The following PKIB variants were observed in gnomAD, a reference collection of about 807,000 sequenced individuals.
PKIB encodes the protein cAMP-dependent protein kinase inhibitor beta.
In PKIB, 2 loss-of-function variants were observed where a neutral mutation model predicts 4.5. The observed-to-expected ratio is 0.44, with a 90% CI of 0.18 to 1.39. PKIB has a LOEUF of 1.39. Ranked by LOEUF, PKIB falls within the 40% of genes most tolerant of loss-of-function variation. The pLI, the probability that PKIB is intolerant of heterozygous loss-of-function variation, is 0.27. For missense variants in PKIB, 94 were observed against 92.6 expected (o/e 1.02, Z -0.06); for synonymous variants, 38 against 36.0 (o/e 1.06, Z -0.20).
intron 2 of PKIB, among the ~76,000 whole-genome samples, chr6:122,672,799 A>T (rs2114949976): frequency 6.6e-6 from 1 of 151,874 alleles, no homozygotes; most frequent in Non-Finnish European, 1.5e-5. Context: ...ATAAATATTC[A>T]TATATAGGAG....
chr6:122,710,335 C>G (rs937317648), intron 3 of PKIB, among the ~76,000 whole-genome samples: 3 of 152,110 alleles, frequency 2.0e-5, no homozygotes, highest in African/African-American at 7.2e-5. Context: ...CGGCCGTGTT[C>G]CCTCTTTGTA....
intron 3 of PKIB, among the ~76,000 whole-genome samples, chr6:122,691,775 T>C (rs922389623): frequency 6.6e-6 from 1 of 152,110 alleles, no homozygotes; most frequent in African/African-American, 2.4e-5. Context: ...TGTTTGGGCC[T>C]TGAAGAGTTA....
intron 2 of PKIB, among the ~76,000 whole-genome samples, chr6:122,575,936 A>T (rs891631171): frequency 2.0e-5 from 3 of 152,202 alleles, no homozygotes; most frequent in Admixed American, 2.0e-4. Flanking sequence ...CTGATACAAC[A>T]ACATGAATGA....
At chr6:122,661,456 C>A (rs1026498219) in intron 2 of PKIB, among the ~76,000 whole-genome samples, 3 of 152,212 alleles carry the variant, frequency 2.0e-5, no homozygotes, top group Non-Finnish European at 4.4e-5. Flanking sequence ...TTGAATCATA[C>A]AACATGTGGT....
At chr6:122,695,755 T>C (rs995937656) in intron 3 of PKIB, among the ~76,000 whole-genome samples, 4 of 152,186 alleles carry the variant, frequency 2.6e-5, no homozygotes, top group African/African-American at 9.7e-5. Context: ...TTTGGAATCC[T>C]ATGTGACAGG....
chr6:122,480,750 T>G (rs1449971670), intron 2 of PKIB: 2 of 152,218 alleles, frequency 1.3e-5, no homozygotes, highest in Non-Finnish European at 2.9e-5. Flanking sequence ...CGTTTCTTAC[T>G]GTACAAATAC....
At chr6:122,663,626 G>T (rs1262514498) in intron 2 of PKIB, among the ~76,000 whole-genome samples, 1 of 152,128 alleles carries the variant, frequency 6.6e-6, no homozygotes, top group African/African-American at 2.4e-5. Flanking sequence ...GCTGGTAGAT[G>T]TGTCCCTCCT....
chr6:122,601,053 T>TGACA (rs1329761968), intron 3 of PKIB, among the ~76,000 whole-genome samples: 7 of 145,102 alleles, frequency 4.8e-5, no homozygotes, highest in Non-Finnish European at 1.6e-5. Flanking sequence ...AGTTTAAATA[T>TGACA]GACAGAGTAA....
intron 2 of PKIB, among the ~76,000 whole-genome samples, chr6:122,570,576 A>G (rs944311276): frequency 1.3e-5 from 2 of 152,208 alleles, no homozygotes; most frequent in Non-Finnish European, 1.5e-5. Context: ...CACCATGAAC[A>G]TAACTACTAC....
chr6:122,623,987 A>C (rs1775338502), intron 1 of PKIB, among the ~76,000 whole-genome samples: 1 of 152,156 alleles, frequency 6.6e-6, no homozygotes, highest in Non-Finnish European at 1.5e-5. Context: ...ATGTCATTTA[A>C]ACCTCCTAAC....
intron 2 of PKIB, among the ~76,000 whole-genome samples, chr6:122,523,649 G>A (rs1178738527): frequency 6.6e-6 from 1 of 152,008 alleles, no homozygotes; most frequent in Admixed American, 6.6e-5. Flanking sequence ...GGGGCATGGT[G>A]GTGGGTGCCT....
chr6:122,643,638 C>G (rs1776200365), intron 2 of PKIB: 1 of 152,102 alleles, frequency 6.6e-6, no homozygotes, highest in Non-Finnish European at 1.5e-5. Context: ...TTGAGAACAC[C>G]TAATATTTTT....
intron 2 of PKIB, among the ~76,000 whole-genome samples, chr6:122,523,533 A>T (rs567591717): frequency 6.6e-6 from 1 of 152,082 alleles, no homozygotes; most frequent in East Asian, 1.9e-4. Flanking sequence ...TTAAAAAGGG[A>T]AGTTCTTGGG....
At chr6:122,696,732 T>C (rs911331867) in intron 3 of PKIB, among the ~76,000 whole-genome samples, 1 of 152,178 alleles carries the variant, frequency 6.6e-6, no homozygotes, top group African/African-American at 2.4e-5. Flanking sequence ...CACATATCTC[T>C]ACCTGAGGTA....
Position 122,514,646 on chromosome 6 carries a change from A to G in PKIB, c.-248+36707A>G, listed in dbSNP as rs553669018. Among the ~76,000 whole-genome samples the G allele has an allele frequency of 7.2e-5, 11 of 152,336 alleles. No individual in the cohort carries two copies. The South Asian group carries it at 2.1e-3, about 29-fold the overall frequency. On this transcript the variant is annotated intron_variant, in intron 2 of 6. Transcript: ENST00000392491. ...GGGCCTTGACCAGTCTCCTTTCCATAGATACCAAGATAGGAAATATTGCTT... is the reference window on the plus strand; with the variant it reads ...GGGCCTTGACCAGTCTCCTTTCCATGGATACCAAGATAGGAAATATTGCTT...
intron 1 of PKIB, among the ~76,000 whole-genome samples, chr6:122,625,170 A>G (rs1376937843): frequency 6.6e-6 from 1 of 152,198 alleles, no homozygotes; most frequent in Non-Finnish European, 1.5e-5. Context: ...TAAGAAGACA[A>G]TTAGATGAGA....
At chr6:122,703,706 T>C (rs1036043837) in intron 3 of PKIB, among the ~76,000 whole-genome samples, 3 of 151,678 alleles carry the variant, frequency 2.0e-5, no homozygotes, top group Admixed American at 2.0e-4. Flanking sequence ...AATACACTTA[T>C]GATGCAGGTG....
At chr6:122,642,801 G>A (rs1166690197) in intron 2 of PKIB, among the ~76,000 whole-genome samples, 3 of 152,186 alleles carry the variant, frequency 2.0e-5, no homozygotes, top group Non-Finnish European at 4.4e-5. Context: ...AAACTTGCAT[G>A]TTCAATACAG....
intron 3 of PKIB, among the ~76,000 whole-genome samples, chr6:122,677,415 T>A (rs989299105): frequency 6.6e-6 from 1 of 152,182 alleles, no homozygotes; most frequent in Non-Finnish European, 1.5e-5. Flanking sequence ...TAACTTTTGG[T>A]TGAAGAAAGT....
Sources: allele counts gnomAD v4.1 joint callset (sites outside exome capture counted in the v4.1 genomes callset), GRCh38; gene constraint gnomAD v4.1.1; transcripts MANE v1.5; gene names NCBI Gene and HGNC (gene_info 2026-07-23, HGNC 2026-07-21).